The following BTBD16 variants were observed in gnomAD, a reference collection of about 807,000 sequenced individuals.
BTBD16 encodes the protein BTB/POZ domain-containing protein 16.
In BTBD16, 66 loss-of-function variants were observed where a neutral mutation model predicts 67.4. The observed-to-expected ratio is 0.98, with a 90% CI of 0.80 to 1.20. The LOEUF (loss-of-function observed/expected upper bound fraction) is 1.20, where lower values mean the gene tolerates loss of function less well. BTBD16 is among the 50% of genes most tolerant of loss of function. BTBD16 has a pLI of 0.00. For synonymous variants in BTBD16, 242 were observed against 236.4 expected (o/e 1.02, Z -0.22); for missense variants, 634 against 616.0 (o/e 1.03, Z -0.31).
chr10:122,326,186 A>C (rs1284406891), intron 10 of BTBD16, among the ~76,000 whole-genome samples: 2 of 152,156 alleles, frequency 1.3e-5, no homozygotes, highest in Non-Finnish European at 1.5e-5. Context: ...TCTTTTTTCA[A>C]CTGGGGCAAA....
At chr10:122,302,755 A>G (rs980283746) in intron 9 of BTBD16, among the ~76,000 whole-genome samples, 6 of 152,228 alleles carry the variant, frequency 3.9e-5, no homozygotes, top group African/African-American at 1.2e-4. Context: ...TTGTTGTTGT[A>G]TAGAGAATAT....
At chr10:122,334,241 G>C (rs1398877615) in intron 13 of BTBD16, among the ~76,000 whole-genome samples, 1 of 150,052 alleles carries the variant, frequency 6.7e-6, no homozygotes, top group East Asian at 1.9e-4. Context: ...TGTCACCCAG[G>C]CTGGAGTGCA....
chr10:122,328,234 C>T (rs1210059356), intron 10 of BTBD16, among the ~76,000 whole-genome samples: 1 of 152,216 alleles, frequency 6.6e-6, no homozygotes, highest in Non-Finnish European at 1.5e-5. Context: ...ACCGCACCCA[C>T]CAGCCCCGGC....
chr10:122,332,059 T>C, intron 12 of BTBD16: 1 of 189,074 alleles, frequency 5.3e-6, no homozygotes, highest in Non-Finnish European at 1.1e-5. Flanking sequence ...GCTGCCAACG[T>C]CATCCTCTCC....
Position 122,299,067 on chromosome 10 carries a change from G to T in BTBD16, c.724G>T (p.Gly242Trp), listed in dbSNP as rs2142079842. Residue 242 changes from glycine (G) to tryptophan (W), a missense_variant, in exon 9 of 16, where the codon GGG becomes TGG. Physicochemically the swap from Gly to Trp is radical, Grantham distance 184. Coordinates refer to ENST00000260723, the MANE Select transcript of BTBD16 (RefSeq NM_144587.5). ...GCTGGAAATGAACTTGGTTCCTCTA[G>T]GGGGGACGCAGATCCACCTCCACAA... The part of the protein sequence containing the change: ...KWLEMNLVPL[G>W]GTQIHLHKIP... 1 of 1,613,982 alleles carries T rather than the reference G, an allele frequency of 6.2e-7. No individual in the cohort carries two copies. The highest frequency in any genetic ancestry group is 1.1e-5 in the South Asian group (1 of 91,038).
At chr10:122,306,530 G>A (rs978560387) in intron 9 of BTBD16, among the ~76,000 whole-genome samples, 4 of 152,166 alleles carry the variant, frequency 2.6e-5, no homozygotes, top group African/African-American at 9.6e-5. Context: ...AGCCAGTCTG[G>A]TGAGGAACTG....
chr10:122,289,203 G>A (rs532820214), intron 5 of BTBD16, among the ~76,000 whole-genome samples: 141 of 152,232 alleles, frequency 9.3e-4, no homozygotes, highest in Admixed American at 1.8e-3. Flanking sequence ...CCAGGTGCTC[G>A]GGTTACAGAA....
chr10:122,276,557 C>T (rs552928874), intron 2 of BTBD16, among the ~76,000 whole-genome samples: 6 of 152,316 alleles, frequency 3.9e-5, no homozygotes, highest in African/African-American at 1.4e-4. Flanking sequence ...TACCCTCTGA[C>T]ACCTCTTGTC....
chr10:122,336,249 G>C (rs3817278), intron 14 of BTBD16, among the ~76,000 whole-genome samples: 21,950 of 152,236 alleles, frequency 0.14, 1,961 homozygotes, highest in East Asian at 0.27. Context: ...CATAAAGCTT[G>C]ACTTGATGGT....
In BTBD16 at chr10:122,331,266, G is replaced by T; in HGVS notation, c.1086+8G>T. On this transcript the variant is annotated splice_region_variant and intron_variant, in intron 12 of 15. Coordinates refer to ENST00000260723, the MANE Select transcript of BTBD16 (RefSeq NM_144587.5). ...GTCAACCATTACCACGCAGTGAGTT[G>T]CCTGCTCTGCAAGGACACAGTTGTC... 1 of 1,610,946 alleles carries T rather than the reference G, an allele frequency of 6.2e-7. No homozygotes were observed. Among genetic ancestry groups the T allele is most frequent in the Non-Finnish European group, 8.5e-7 (1 of 1,179,224 alleles).
Position 122,271,882 on chromosome 10 carries a change from A to G in BTBD16, c.-43+368A>G, listed in dbSNP as rs1432013870. On this transcript the variant is annotated intron_variant, in intron 1 of 15. Coordinates refer to ENST00000260723, the MANE Select transcript of BTBD16 (RefSeq NM_144587.5). ...CTTTGGGTAGCTGAGTGCAAACCCC[A>G]GCCTCCCTCTCTCTGTAACTGAAGC... is the stretch of plus-strand genomic sequence containing the variant. Among the ~76,000 whole-genome samples, 3 of 152,192 alleles carry G rather than the reference A, an allele frequency of 2.0e-5. No individual in the cohort carries two copies. In the East Asian group the frequency reaches 5.8e-4, roughly 29 times the overall value.
chr10:122,293,269 C>G (rs570116698), intron 7 of BTBD16, among the ~76,000 whole-genome samples: 1 of 152,352 alleles, frequency 6.6e-6, no homozygotes, highest in East Asian at 1.9e-4. Context: ...AGACAGATAT[C>G]TCCTGGGGAT....
chr10:122,296,654 T>C (rs1425206587), intron 7 of BTBD16, among the ~76,000 whole-genome samples: 1 of 152,196 alleles, frequency 6.6e-6, no homozygotes, highest in African/African-American at 2.4e-5. Context: ...ACCTGCCACA[T>C]AGCACGTCTA....
chr10:122,286,543 C>T (rs559029397), intron 5 of BTBD16, among the ~76,000 whole-genome samples: 5 of 152,104 alleles, frequency 3.3e-5, no homozygotes, highest in Non-Finnish European at 7.4e-5. Context: ...TGTAATAACC[C>T]GAGTCTTGTC....
At chr10:122,287,142 A>C (rs1343059581) in intron 5 of BTBD16, among the ~76,000 whole-genome samples, 8 of 152,210 alleles carry the variant, frequency 5.3e-5, no homozygotes, top group Admixed American at 2.0e-4. Context: ...GCAGGCAGTG[A>C]GAGCCAGCTG....
chr10:122,300,707 C>A (rs1325854220), intron 9 of BTBD16, among the ~76,000 whole-genome samples: 1 of 152,150 alleles, frequency 6.6e-6, no homozygotes, highest in East Asian at 1.9e-4. Flanking sequence ...TTTAGGACCA[C>A]TTAGTTGTCA....
intron 3 of BTBD16, among the ~76,000 whole-genome samples, chr10:122,281,437 A>G (rs2096352922): frequency 6.6e-6 from 1 of 151,814 alleles, no homozygotes. Flanking sequence ...TGCCCAGGCT[A>G]GAAGGCAATG....
chr10:122,274,142 TTCTCC>T (rs1465831274), intron 1 of BTBD16, among the ~76,000 whole-genome samples: 1 of 152,244 alleles, frequency 6.6e-6, no homozygotes, highest in Non-Finnish European at 1.5e-5. Flanking sequence ...GCTCACCCAC[TTCTCC>T]TCTTCTCTGA....
rs373741777 is a variant in BTBD16 at position 122,291,070 on chromosome 10, G to A, written c.476-10G>A. Reference sequence around the variant, plus strand: ...CCACACAGATGGCTCGCTTGGCTGTGCCTCCCCAGCCTTCGCCACGGCCCT... The same window carrying A: ...CCACACAGATGGCTCGCTTGGCTGTACCTCCCCAGCCTTCGCCACGGCCCT... On this transcript the variant is annotated splice_polypyrimidine_tract_variant and intron_variant, in intron 6 of 15. Transcript: ENST00000260723. The A allele has an allele frequency of 4.8e-5, 77 of 1,606,442 alleles. 2 individuals carry two copies. Among genetic ancestry groups the A allele is most frequent in the Middle Eastern group, 3.8e-4 (2 of 5,278 alleles).
Sources: gnomAD v4.1 joint callset for allele counts (sites outside exome capture counted in the v4.1 genomes callset) on GRCh38, gnomAD v4.1.1 for gene constraint, MANE v1.5 for transcripts, NCBI Gene and HGNC (gene_info 2026-07-23, HGNC 2026-07-21) for gene names.